Variants in LRBA observed in about 807,000 individuals in gnomAD.
The protein encoded by LRBA is lipopolysaccharide-responsive and beige-like anchor protein.
Under a neutral mutation model 330.0 loss-of-function variants are expected in LRBA, and 176 were observed. The ratio of observed to expected loss-of-function variants is 0.53; its 90% CI spans 0.47 to 0.60. The LOEUF (loss-of-function observed/expected upper bound fraction) is 0.60. Among genes scored for constraint, LRBA ranks in the 20% least tolerant of loss-of-function variants. The probability of loss-of-function intolerance (pLI) is 0.00; values close to 1 mark genes in which losing one functional copy is unlikely to be tolerated. For missense variants in LRBA, 3,259 were observed against 3,444.8 expected, an observed-to-expected ratio of 0.95 and a Z score of 1.35; for synonymous variants, 1,230 against 1,193.0, an observed-to-expected ratio of 1.03 and a Z score of -0.64.
At position 150,916,720 on chromosome 4, in the gene LRBA, T is replaced by C. The variant is rs777489371; in HGVS notation, c.664A>G (p.Ile222Val). Reference sequence around the variant, plus strand: ...CCATTCTGGTATGGCCATTTGGCTATAGGAGGTAATGCAATAGCCTAAAGG... The same window carrying C: ...CCATTCTGGTATGGCCATTTGGCTACAGGAGGTAATGCAATAGCCTAAAGG... ...KSAAAIALPP[I>V]AKWPYQNGFT... Residue 222 changes from isoleucine to valine, a missense_variant, in exon 6 of 57, where the codon ATA becomes GTA. By Grantham distance (29) the Ile-to-Val change is conservative. Transcript: ENST00000651943. 47 of 1,572,354 alleles carry C rather than the reference T, an allele frequency of 3.0e-5. No individual in the cohort carries two copies. The highest frequency in any genetic ancestry group is 6.0e-5 in the Admixed American group (3 of 49,712).
upstream of LRBA, chr4:151,015,680 G>C (rs920620598): frequency 6.6e-6 from 1 of 152,162 alleles, no homozygotes; most frequent in Non-Finnish European, 1.5e-5. Context: ...CGCGGCTGTC[G>C]TGTGCCCACT....
At position 150,575,089 on chromosome 4, in the gene LRBA, G is replaced by A. The variant is rs183135800; in HGVS notation, c.6330+12959C>T. On this transcript the variant is annotated intron_variant, in intron 40 of 56. Transcript: ENST00000651943. Reference sequence around the variant, plus strand: ...ATCCAAAGATAATAAGGGAAGATAGGAAGGAAAAATTCAGGAAAGAGACTG... The same window carrying A: ...ATCCAAAGATAATAAGGGAAGATAGAAAGGAAAAATTCAGGAAAGAGACTG... Among the ~76,000 whole-genome samples the A allele has an allele frequency of 7.9e-5, 12 of 152,106 alleles. No individual in the cohort carries two copies. In the East Asian group the frequency reaches 2.3e-3, roughly 29 times the overall value.
rs775567440 is a variant in LRBA, at chr4:150,828,347, C to A, written c.5004G>T (p.Pro1668=). 1 of 1,614,070 alleles carries A rather than the reference C, an allele frequency of 6.2e-7. No homozygotes were observed. The highest frequency in any genetic ancestry group is 1.1e-5 in the South Asian group (1 of 91,082). Reference sequence around the variant, plus strand: ...TGACGTTTTTTGAAACTGAAACTGACGGTGTAGCCTTAGTGTCCAAGTCAT... The same window carrying A: ...TGACGTTTTTTGAAACTGAAACTGAAGGTGTAGCCTTAGTGTCCAAGTCAT... ...RGNDLDTKAT[P]SVSVSKNVNV... is the part of the protein sequence containing the mutation. Residue 1668 remains proline (P), a synonymous_variant, in exon 30 of 57, where the codon CCG becomes CCT. Coordinates refer to ENST00000651943, the MANE Select transcript of LRBA (RefSeq NM_001364905.1).
chr4:150,315,852 T>C (rs550954634), intron 50 of LRBA, among the ~76,000 whole-genome samples: 1 of 152,302 alleles, frequency 6.6e-6, no homozygotes, highest in African/African-American at 2.4e-5. Flanking sequence ...GCTCCAGTCC[T>C]AGGCCATAAG....
intron 46 of LRBA, among the ~76,000 whole-genome samples, chr4:150,431,747 G>A (rs1031340001): frequency 5.3e-5 from 8 of 151,850 alleles, no homozygotes; most frequent in Admixed American, 2.0e-4. Context: ...TTGGAGAGTC[G>A]CTCTAAGTCT....
At position 150,893,079 on chromosome 4, in the gene LRBA, G is replaced by A; in HGVS notation, c.2138C>T (p.Pro713Leu). 1 of 1,611,240 alleles carries A rather than the reference G, an allele frequency of 6.2e-7. No homozygotes were observed. Reference protein sequence around the residue: ...LMSEHPNSMIPAFDQRNGLRV... With the variant: ...LMSEHPNSMILAFDQRNGLRV... ...TAACCCATTCCTTTGGTCAAAAGCA[G>A]GAATCATAGAGTTAGGGTGTTCTGA... Residue 713 changes from proline to leucine, a missense_variant, in exon 17 of 57, where the codon CCT becomes CTT. Pro to Leu is a moderately conservative substitution (Grantham distance 98, BLOSUM62 -3). Transcript: ENST00000651943.
Position 150,361,928 on chromosome 4 carries a change from C to T in LRBA, c.7195-11769G>A, listed in dbSNP as rs904699333. ...CTGGGACTATAGGCACCCGCCACCA[C>T]GCCTGGCTAATCTTTTGTATTTTTT... On this transcript the variant is annotated intron_variant, in intron 47 of 56. Transcript: ENST00000651943. 3.9e-5 allele frequency among the ~76,000 whole-genome samples: 6 copies of T among 152,034 alleles called. No homozygotes were observed. The South Asian group carries it at 6.2e-4, about 16-fold the overall frequency.
At chr4:150,784,859 T>C (rs764169532) in intron 34 of LRBA, among the ~76,000 whole-genome samples, 2 of 99,490 alleles carry the variant, frequency 2.0e-5, no homozygotes, top group African/African-American at 3.9e-5. Flanking sequence ...AGTGAGAACA[T>C]TTAAGATCTA....
chr4:150,559,870 TATA>T (rs1364960883), intron 40 of LRBA, among the ~76,000 whole-genome samples: 7 of 17,994 alleles, frequency 3.9e-4, no homozygotes, highest in African/African-American at 1.0e-3. Context: ...ATATATAATA[TATA>T]ATTATATATA....
intron 29 of LRBA, among the ~76,000 whole-genome samples, chr4:150,828,917 TTGGGGG>T (rs1287683429): frequency 3.5e-5 from 4 of 113,350 alleles, no homozygotes; most frequent in African/African-American, 1.0e-4. Context: ...ATAATCTTTT[TTGGGGG>T]TGTGTGTGTG....
intron 52 of LRBA, among the ~76,000 whole-genome samples, chr4:150,304,695 T>G (rs1730132050): frequency 1.3e-5 from 2 of 152,052 alleles, no homozygotes; most frequent in Admixed American, 6.6e-5. Flanking sequence ...ATTGAGCAAA[T>G]TAAATGTGAA....
intron 53 of LRBA, among the ~76,000 whole-genome samples, chr4:150,286,254 C>T (rs984718715): frequency 1.3e-5 from 2 of 152,154 alleles, no homozygotes; most frequent in Non-Finnish European, 2.9e-5. Context: ...GATTATCAAG[C>T]AACAATGGTT....
At chr4:150,753,718 A>C (rs1733872155) in intron 35 of LRBA, among the ~76,000 whole-genome samples, 1 of 152,172 alleles carries the variant, frequency 6.6e-6, no homozygotes, top group African/African-American at 2.4e-5. Flanking sequence ...GGGGTGAAAA[A>C]GCACAATTCA....
At chr4:150,309,189 T>G (rs1231258565) in intron 52 of LRBA, among the ~76,000 whole-genome samples, 2 of 152,196 alleles carry the variant, frequency 1.3e-5, no homozygotes, top group Non-Finnish European at 2.9e-5. Flanking sequence ...TTTTCTATTT[T>G]TAGATGTGTT....
rs549259469 is a variant in LRBA at position 150,697,483 on chromosome 4, T to A, written c.5755-13766A>T. On this transcript the variant is annotated intron_variant, in intron 36 of 56. Coordinates refer to ENST00000651943, the MANE Select transcript of LRBA (RefSeq NM_001364905.1). Reference sequence around the variant, plus strand: ...ACAAGCTCAAATAAATGCATTTTTTTAAGCAAAGATAGGAATAACAGAATG... The same window carrying A: ...ACAAGCTCAAATAAATGCATTTTTTAAAGCAAAGATAGGAATAACAGAATG... 8.5e-5 allele frequency among the ~76,000 whole-genome samples: 13 copies of A among 152,084 alleles called. No individual in the cohort carries two copies. In the East Asian group the frequency reaches 2.1e-3, roughly 25 times the overall value.
chr4:150,776,983 GA>G (rs554383040), intron 34 of LRBA, among the ~76,000 whole-genome samples: 3 of 151,912 alleles, frequency 2.0e-5, no homozygotes, highest in Non-Finnish European at 4.4e-5. Flanking sequence ...TTACAAATAT[GA>G]AAAAAACTAT....
At chr4:150,304,970 C>T (rs1163413493) in intron 52 of LRBA, among the ~76,000 whole-genome samples, 1 of 152,130 alleles carries the variant, frequency 6.6e-6, no homozygotes, top group Non-Finnish European at 1.5e-5. Flanking sequence ...TATATGACTT[C>T]TGCTTTAGCC....
chr4:150,836,195 C>T (rs183430047), intron 28 of LRBA, among the ~76,000 whole-genome samples: 16 of 152,186 alleles, frequency 1.1e-4, no homozygotes, highest in Middle Eastern at 3.4e-3. Flanking sequence ...CTGCTGGATT[C>T]GGTTTGCCAG....
chr4:150,918,793 T>G (rs184843673), intron 5 of LRBA, among the ~76,000 whole-genome samples: 100 of 152,256 alleles, frequency 6.6e-4, no homozygotes, highest in Non-Finnish European at 5.0e-4. Flanking sequence ...TTAGCAAGGA[T>G]GTAGAGAAAT....
Sources: allele counts gnomAD v4.1 joint callset (sites outside exome capture counted in the v4.1 genomes callset), GRCh38; gene constraint gnomAD v4.1.1; transcripts MANE v1.5; gene names NCBI Gene and HGNC (gene_info 2026-07-23, HGNC 2026-07-21).